Variants in ACOT13 observed in about 807,000 individuals in gnomAD.
ACOT13 encodes the protein acyl-CoA thioesterase 13.
In ACOT13, 10 loss-of-function variants were observed where a neutral mutation model predicts 11.8. That is an observed-to-expected ratio of 0.85 (90% CI 0.53 to 1.44). The LOEUF (loss-of-function observed/expected upper bound fraction) is 1.44. ACOT13 is among the 40% of genes most tolerant of loss of function. The pLI is 0.00. For synonymous variants in ACOT13, 53 were observed against 61.0 expected, an observed-to-expected ratio of 0.87 and a Z score of 0.61; for missense variants, 172 against 174.1, an observed-to-expected ratio of 0.99 and a Z score of 0.07.
intron 1 of ACOT13, among the ~76,000 whole-genome samples, chr6:24,685,104 G>C (rs568421745): frequency 4.6e-5 from 7 of 152,170 alleles, no homozygotes; most frequent in Admixed American, 1.3e-4. Context: ...CAGTACGTCT[G>C]AGTTCAGACT....
chr6:24,675,885 T>C (rs1044064108), intron 1 of ACOT13, among the ~76,000 whole-genome samples: 1 of 152,262 alleles, frequency 6.6e-6, no homozygotes, highest in South Asian at 2.1e-4. Flanking sequence ...TTAATCCATC[T>C]TGAATTAAGT....
At chr6:24,696,901 G>T (rs1778803296) in intron 1 of ACOT13, among the ~76,000 whole-genome samples, 1 of 151,864 alleles carries the variant, frequency 6.6e-6, no homozygotes. Flanking sequence ...TCAGCCTCCT[G>T]AGTAGCTGAG....
At chr6:24,683,015 G>A (rs572928679) in intron 1 of ACOT13, among the ~76,000 whole-genome samples, 1 of 152,304 alleles carries the variant, frequency 6.6e-6, no homozygotes, top group South Asian at 2.1e-4. Flanking sequence ...TGCAAGCCCC[G>A]TGTTTAAAGG....
At chr6:24,684,011 T>C (rs746479835) in intron 1 of ACOT13, among the ~76,000 whole-genome samples, 6 of 151,914 alleles carry the variant, frequency 3.9e-5, no homozygotes, top group Non-Finnish European at 8.8e-5. Flanking sequence ...TTTTAATGCA[T>C]GCATGTCTGT....
chr6:24,690,634 A>G (rs6919034), intron 1 of ACOT13, among the ~76,000 whole-genome samples: 121,036 of 151,746 alleles, frequency 0.8, 48,952 homozygotes, highest in African/African-American at 0.93. Context: ...GTGAACAAAA[A>G]GAGTGTTACT....
At chr6:24,698,479 G>A (rs2127628923) in intron 2 of ACOT13, among the ~76,000 whole-genome samples, 1 of 152,240 alleles carries the variant, frequency 6.6e-6, no homozygotes, top group African/African-American at 2.4e-5. Context: ...TTGAAGCCTG[G>A]AGTTCAAGAC....
Position 24,701,632 on chromosome 6 carries a change from C to G in ACOT13, c.*17C>G, listed in dbSNP as rs144752694. 5.9e-3 allele frequency: 9,333 copies of G among 1,582,396 alleles called. 44 individuals are homozygous for G. The highest frequency in any genetic ancestry group is 6.1e-3 in the Non-Finnish European group (7,111 of 1,163,788). ...GGAAACTGAGAGAACAGCAGAATGA[C>G]CTAAAGAAACCCAACAATGAATATC... On this transcript the variant is annotated 3_prime_UTR_variant, in exon 3 of 3. Coordinates refer to ENST00000230048, the MANE Select transcript of ACOT13 (RefSeq NM_018473.4).
At chr6:24,668,480 C>T (rs978333662) in intron 1 of ACOT13, among the ~76,000 whole-genome samples, 2 of 152,158 alleles carry the variant, frequency 1.3e-5, no homozygotes, top group African/African-American at 2.4e-5. Flanking sequence ...CTTGGCCTCC[C>T]GAAGTGCTGG....
intron 1 of ACOT13, among the ~76,000 whole-genome samples, chr6:24,688,142 T>G (rs1291446069): frequency 6.6e-6 from 1 of 152,170 alleles, no homozygotes; most frequent in African/African-American, 2.4e-5. Context: ...CATTGGTCAT[T>G]AAAACTGTCT....
chr6:24,670,783 G>A (rs1034146267), intron 1 of ACOT13, among the ~76,000 whole-genome samples: 2 of 152,142 alleles, frequency 1.3e-5, no homozygotes, highest in African/African-American at 4.8e-5. Flanking sequence ...GAAAAACAAA[G>A]CAAAAGATCA....
At chr6:24,695,257 C>T (rs1240837322) in intron 1 of ACOT13, among the ~76,000 whole-genome samples, 1 of 151,998 alleles carries the variant, frequency 6.6e-6, no homozygotes, top group East Asian at 1.9e-4. Flanking sequence ...CGCAGTGAGC[C>T]GAGATTACAC....
chr6:24,670,076 TAAC>T (rs1406997035), intron 1 of ACOT13, among the ~76,000 whole-genome samples: 2 of 152,246 alleles, frequency 1.3e-5, no homozygotes, highest in Non-Finnish European at 2.9e-5. Flanking sequence ...GACTAGTATC[TAAC>T]AACAAGTGGA....
intron 2 of ACOT13, among the ~76,000 whole-genome samples, chr6:24,699,907 A>AAG: frequency 6.6e-6 from 1 of 152,260 alleles, no homozygotes; most frequent in East Asian, 1.9e-4. Context: ...ATTGGCCATC[A>AAG]AGAGCTGCCT....
chr6:24,684,931 G>T (rs1040077836), intron 1 of ACOT13, among the ~76,000 whole-genome samples: 2 of 152,084 alleles, frequency 1.3e-5, no homozygotes, highest in Non-Finnish European at 2.9e-5. Flanking sequence ...AGGATCCCTT[G>T]AGCCCAGGAT....
At chr6:24,677,053 G>T (rs1456381596) in intron 1 of ACOT13, among the ~76,000 whole-genome samples, 1 of 152,122 alleles carries the variant, frequency 6.6e-6, no homozygotes, top group Non-Finnish European at 1.5e-5. Flanking sequence ...CTGGAGTGAG[G>T]GGATTAGTTT....
chr6:24,680,748 C>A (rs534868338), intron 1 of ACOT13, among the ~76,000 whole-genome samples: 1 of 152,312 alleles, frequency 6.6e-6, no homozygotes, highest in African/African-American at 2.4e-5. Context: ...GCTGCCCCAT[C>A]AAGATGCATT....
At chr6:24,671,972 A>G (rs1562154794) in intron 1 of ACOT13, among the ~76,000 whole-genome samples, 1 of 152,220 alleles carries the variant, frequency 6.6e-6, no homozygotes, top group African/African-American at 2.4e-5. Flanking sequence ...ATATTTGACA[A>G]TGCTTCCTGT....
chr6:24,691,482 AG>A (rs1778716877), intron 1 of ACOT13, among the ~76,000 whole-genome samples: 1 of 152,232 alleles, frequency 6.6e-6, no homozygotes, highest in African/African-American at 2.4e-5. Context: ...ATTGCTATAA[AG>A]GAAAATAAAG....
chr6:24,699,693 T>C (rs553491402), intron 2 of ACOT13, among the ~76,000 whole-genome samples: 14 of 152,226 alleles, frequency 9.2e-5, no homozygotes, highest in Non-Finnish European at 1.9e-4. Flanking sequence ...GGTGTGCATA[T>C]TCAGCAGTCC....
Sources: allele counts gnomAD v4.1 joint callset (sites outside exome capture counted in the v4.1 genomes callset), GRCh38; gene constraint gnomAD v4.1.1; transcripts MANE v1.5; gene names NCBI Gene and HGNC (gene_info 2026-07-23, HGNC 2026-07-21).